The following COL28A1 variants were observed in gnomAD, a reference collection of about 807,000 sequenced individuals.
The protein encoded by COL28A1 is collagen type XXVIII alpha 1 chain, also known as collagen alpha-1(XXVIII) chain.
In COL28A1, 161 loss-of-function variants were observed where a neutral mutation model predicts 150.2. The observed-to-expected ratio is 1.07, with a 90% CI of 0.94 to 1.22. The LOEUF (loss-of-function observed/expected upper bound fraction) is 1.22. COL28A1 is among the 50% of genes most tolerant of loss of function. COL28A1 has a pLI of 0.00. For synonymous variants in COL28A1, 552 were observed against 469.7 expected (o/e 1.18, Z -2.26); for missense variants, 1,617 against 1,388.3 (o/e 1.16, Z -2.62).
chr7:7,463,333 C>A (rs562584521), intron 15 of COL28A1, among the ~76,000 whole-genome samples: 22 of 152,208 alleles, frequency 1.4e-4, no homozygotes, highest in Admixed American at 1.3e-3. Context: ...CATATTATAT[C>A]GAGCACTAAA....
chr7:7,396,512 T>C (rs1017095912), intron 27 of COL28A1, among the ~76,000 whole-genome samples: 13 of 152,220 alleles, frequency 8.5e-5, no homozygotes, highest in African/African-American at 1.9e-4. Flanking sequence ...TTAAAATCCT[T>C]TTCCTTTGTG....
In COL28A1 at chr7:7,524,252, ACAAGGG is replaced by A. The variant is rs775048694; in HGVS notation, c.682-9_682-4del. The A allele has an allele frequency of 3.0e-6, 4 of 1,355,666 alleles. No homozygotes were observed. The highest frequency in any genetic ancestry group is 4.2e-6 in the Non-Finnish European group (4 of 944,620). The allele number at this position is 1,355,666 out of a possible 1,614,324, so 84.0% of individuals were successfully genotyped here. On this transcript the variant is annotated splice_polypyrimidine_tract_variant and splice_region_variant and intron_variant, in intron 3 of 34. Coordinates refer to ENST00000399429, the MANE Select transcript of COL28A1 (RefSeq NM_001037763.3). Reference sequence around the variant, plus strand: ...ACCTTCTTTTCAAATAAGATATCCTACAAGGGAAAAAAGAATGAAGCATTAACTCGA... The same window carrying A: ...ACCTTCTTTTCAAATAAGATATCCTAAAAAAAGAATGAAGCATTAACTCGA...
chr7:7,411,371 T>C (rs937510709), intron 27 of COL28A1, among the ~76,000 whole-genome samples: 2 of 152,196 alleles, frequency 1.3e-5, no homozygotes, highest in African/African-American at 2.4e-5. Context: ...CCATTTATGC[T>C]ACACTCTGCA....
At chr7:7,359,548 T>C (rs1483763084) in intron 34 of COL28A1, among the ~76,000 whole-genome samples, 1 of 152,276 alleles carries the variant, frequency 6.6e-6, no homozygotes, top group South Asian at 2.1e-4. Flanking sequence ...GTGCCTTGAT[T>C]AGTATTTCCT....
At chr7:7,433,685 T>C (rs1395176078) in intron 23 of COL28A1, among the ~76,000 whole-genome samples, 1 of 152,074 alleles carries the variant, frequency 6.6e-6, no homozygotes, top group African/African-American at 2.4e-5. Context: ...TACACTTTTA[T>C]TTAAAACTTG....
intron 3 of COL28A1, among the ~76,000 whole-genome samples, chr7:7,527,241 T>C (rs1207445615): frequency 7.9e-5 from 12 of 152,218 alleles, no homozygotes; most frequent in African/African-American, 2.4e-5. Context: ...AGGGCTCTTA[T>C]AGGCTATAAG....
the COL28A1 span, among the ~76,000 whole-genome samples, chr7:7,340,284 CAAGA>C: frequency 2.6e-5 from 4 of 152,074 alleles, no homozygotes; most frequent in African/African-American, 9.7e-5. Context: ...AAAACCATAT[CAAGA>C]AAACTCCTGT....
At chr7:7,402,730 ATGGATTTAAGGGAATGTGG>A (rs1330859822) in intron 27 of COL28A1, among the ~76,000 whole-genome samples, 1 of 152,198 alleles carries the variant, frequency 6.6e-6, no homozygotes, top group East Asian at 1.9e-4. Context: ...TTCTTGCCAA[ATGGATTTAAGGGAATGTGG>A]ATGGAGACTT....
chr7:7,437,027 G>A (rs1236885133), intron 22 of COL28A1, among the ~76,000 whole-genome samples: 2 of 152,140 alleles, frequency 1.3e-5, no homozygotes, highest in Non-Finnish European at 2.9e-5. Flanking sequence ...GAAAGAGTGA[G>A]ACTGTCTCAA....
At chr7:7,518,985 A>C (rs1049052352) in intron 6 of COL28A1, among the ~76,000 whole-genome samples, 2 of 152,198 alleles carry the variant, frequency 1.3e-5, no homozygotes, top group Non-Finnish European at 2.9e-5. Flanking sequence ...AATTAACCCA[A>C]TGTCCATTAC....
chr7:7,488,826 A>G (rs914091637), intron 13 of COL28A1, among the ~76,000 whole-genome samples: 1 of 152,214 alleles, frequency 6.6e-6, no homozygotes, highest in Non-Finnish European at 1.5e-5. Flanking sequence ...AAATTTTAAC[A>G]CATGAGAACT....
intron 15 of COL28A1, among the ~76,000 whole-genome samples, chr7:7,465,576 A>G (rs1388189765): frequency 0.011 from 1,398 of 129,418 alleles, 6 homozygotes; most frequent in Middle Eastern, 0.04. Flanking sequence ...AAAGCAGCCG[A>G]GAAGCTCGAA....
intron 14 of COL28A1, 63 bp from the exon 15 acceptor site, chr7:7,474,732 A>G (rs936159991): frequency 1.4e-5 from 12 of 832,542 alleles, no homozygotes; most frequent in South Asian, 4.1e-5. Flanking sequence ...AAGAGTTTAC[A>G]TTACAAATAC....
At position 7,380,799 on chromosome 7, in the gene COL28A1, C is replaced by G. The variant is rs777465795; in HGVS notation, c.2269G>C (p.Gly757Arg). ...KGDKGEIGEP[G>R]SPGKQGLQGP... ...CTACTTGCCTGTTTTCCTGGAGATC[C>G]AGGCTCTCCAATTTCTCCTTTATCA... Residue 757 changes from glycine (G) to arginine (R), a missense_variant, in exon 29 of 35, where the codon GGA becomes CGA. Gly to Arg is a moderately radical substitution (Grantham distance 125). Coordinates refer to ENST00000399429, the MANE Select transcript of COL28A1 (RefSeq NM_001037763.3). 1.9e-6 allele frequency: 3 copies of G among 1,613,994 alleles called. No homozygotes were observed. Among genetic ancestry groups the G allele is most frequent in the East Asian group, 4.5e-5 (2 of 44,866 alleles).
At position 7,380,699 on chromosome 7, in the gene COL28A1, C is replaced by T; in HGVS notation, c.2287-4G>A. On this transcript the variant is annotated splice_polypyrimidine_tract_variant and splice_region_variant and intron_variant, in intron 29 of 34. Transcript: ENST00000399429. Reference sequence around the variant, plus strand: ...CTCCTTTGGGTCCTTGTAAACCCTACTTAGTGGAAGAAGAGTAAAAGTCAA... The same window carrying T: ...CTCCTTTGGGTCCTTGTAAACCCTATTTAGTGGAAGAAGAGTAAAAGTCAA... The T allele has an allele frequency of 1.2e-6, 2 of 1,613,726 alleles. No homozygotes were observed. The highest frequency in any genetic ancestry group is 8.5e-7 in the Non-Finnish European group (1 of 1,179,664).
intron 3 of COL28A1, among the ~76,000 whole-genome samples, chr7:7,529,932 G>C (rs573291304): frequency 6.6e-6 from 1 of 152,172 alleles, no homozygotes; most frequent in East Asian, 1.9e-4. Context: ...CTTACCTTGA[G>C]CACCACAGGA....
At position 7,408,417 on chromosome 7, in the gene COL28A1, A is replaced by T. The variant is rs551031133; in HGVS notation, c.2136+9442T>A. On this transcript the variant is annotated intron_variant, in intron 27 of 34. Coordinates refer to ENST00000399429, the MANE Select transcript of COL28A1 (RefSeq NM_001037763.3). ...AGACTTATCTGCAACTAGGTAAGGA[A>T]AGGTGCTGATGATAAAAAACCAACA... Among the ~76,000 whole-genome samples, 5 of 152,310 alleles carry T rather than the reference A, an allele frequency of 3.3e-5. No homozygotes were observed. The East Asian group carries it at 9.6e-4, about 29-fold the overall frequency.
intron 11 of COL28A1, among the ~76,000 whole-genome samples, chr7:7,494,938 A>C (rs2128374156): frequency 6.6e-6 from 1 of 152,292 alleles, no homozygotes; most frequent in East Asian, 1.9e-4. Flanking sequence ...AAGTTACAGA[A>C]GAAGAAAGAG....
intron 11 of COL28A1, among the ~76,000 whole-genome samples, chr7:7,502,720 C>T (rs758838819): frequency 6.5e-5 from 2 of 30,564 alleles, no homozygotes; most frequent in Non-Finnish European, 9.0e-5. Flanking sequence ...TTTTTTGAGA[C>T]GGAGTCTTGC....
Sources: allele counts gnomAD v4.1 joint callset (sites outside exome capture counted in the v4.1 genomes callset), GRCh38; gene constraint gnomAD v4.1.1; transcripts MANE v1.5; gene names NCBI Gene and HGNC (gene_info 2026-07-23, HGNC 2026-07-21).